DCDC2: variants seen among roughly 807,000 people sequenced by gnomAD.
DCDC2 encodes doublecortin domain containing 2, also known as doublecortin domain-containing protein 2.
A neutral mutation model predicts 50.2 loss-of-function variants in DCDC2; 40 were observed. The ratio of observed to expected loss-of-function variants is 0.80; its 90% CI spans 0.62 to 1.04. The LOEUF (loss-of-function observed/expected upper bound fraction) is 1.04, where lower values mean the gene tolerates loss of function less well. DCDC2 is among the 50% of genes least tolerant of loss of function. The pLI is 0.00. For synonymous variants in DCDC2, 234 were observed against 210.6 expected (o/e 1.11, Z -0.96); for missense variants, 570 against 581.9 (o/e 0.98, Z 0.21).
chr6:24,306,233 G>GT (rs2113841562), intron 2 of DCDC2, among the ~76,000 whole-genome samples: 2 of 152,126 alleles, frequency 1.3e-5, no homozygotes, highest in South Asian at 4.2e-4. Flanking sequence ...CAATCAAATG[G>GT]TAAGTTATCA....
chr6:24,261,917 A>C (rs1017591176), intron 7 of DCDC2, among the ~76,000 whole-genome samples: 1 of 152,168 alleles, frequency 6.6e-6, no homozygotes, highest in Non-Finnish European at 1.5e-5. Context: ...AATGAGGTGG[A>C]GCAAGACGAC....
At chr6:24,314,497 C>CA (rs1165480737) in intron 2 of DCDC2, among the ~76,000 whole-genome samples, 1 of 151,686 alleles carries the variant, frequency 6.6e-6, no homozygotes, top group Non-Finnish European at 1.5e-5. Flanking sequence ...AAAACAAAAA[C>CA]AAAAAAGCAC....
intron 2 of DCDC2, among the ~76,000 whole-genome samples, chr6:24,330,050 A>AGT (rs1352689352): frequency 6.6e-6 from 1 of 152,170 alleles, no homozygotes; most frequent in African/African-American, 2.4e-5. Context: ...TCTTCAGTGA[A>AGT]CCCATTATCA....
chr6:24,299,861 G>C (rs1292372335), intron 4 of DCDC2, among the ~76,000 whole-genome samples: 1 of 151,956 alleles, frequency 6.6e-6, no homozygotes, highest in African/African-American at 2.4e-5. Context: ...GGAGGTTGCA[G>C]TGAGCCAAGA....
At chr6:24,247,623 G>A (rs376880374) in intron 7 of DCDC2, among the ~76,000 whole-genome samples, 10 of 152,064 alleles carry the variant, frequency 6.6e-5, no homozygotes, top group East Asian at 3.8e-4. Flanking sequence ...GATATATGCC[G>A]AGCTCCTTTC....
At chr6:24,276,206 A>T (rs1462585048) in intron 7 of DCDC2, among the ~76,000 whole-genome samples, 1 of 152,138 alleles carries the variant, frequency 6.6e-6, no homozygotes, top group Non-Finnish European at 1.5e-5. Flanking sequence ...TTTCCTATGA[A>T]CAAGGGATAT....
At chr6:24,309,291 C>A (rs807687) in intron 2 of DCDC2, among the ~76,000 whole-genome samples, 115,794 of 150,746 alleles carry the variant, frequency 0.77, 47,113 homozygotes, top group East Asian at 0.99. Flanking sequence ...CGCCATTGCA[C>A]TCCAGCCCGG....
intron 7 of DCDC2, among the ~76,000 whole-genome samples, chr6:24,249,224 T>C (rs1762747511): frequency 6.6e-6 from 1 of 152,158 alleles, no homozygotes; most frequent in Non-Finnish European, 1.5e-5. Context: ...GAGCTGATTG[T>C]TTTTAATACT....
intron 7 of DCDC2, among the ~76,000 whole-genome samples, chr6:24,250,425 C>G (rs1331493431): frequency 6.6e-6 from 1 of 152,124 alleles, no homozygotes; most frequent in Non-Finnish European, 1.5e-5. Context: ...TGTGCTTAAA[C>G]GACAAGGATC....
At chr6:24,347,544 G>C (rs1760289684) in intron 2 of DCDC2, among the ~76,000 whole-genome samples, 2 of 152,100 alleles carry the variant, frequency 1.3e-5, no homozygotes, top group South Asian at 4.2e-4. Context: ...CATTGCACTG[G>C]GTATTACTAG....
intron 2 of DCDC2, among the ~76,000 whole-genome samples, chr6:24,308,857 A>T (rs2113843585): frequency 6.6e-6 from 1 of 152,308 alleles, no homozygotes; most frequent in Non-Finnish European, 1.5e-5. Context: ...TATCCTCCAA[A>T]AAGGAAGTTG....
chr6:24,378,195 T>C, the DCDC2 span, among the ~76,000 whole-genome samples: 1 of 152,216 alleles, frequency 6.6e-6, no homozygotes, highest in East Asian at 1.9e-4. Context: ...GTTTAGTCAG[T>C]GCCTCACTAC....
intron 7 of DCDC2, among the ~76,000 whole-genome samples, chr6:24,208,098 C>A (rs537880198): frequency 1.9e-3 from 286 of 152,280 alleles, no homozygotes; most frequent in African/African-American, 6.6e-3. Context: ...TCATTTTCAT[C>A]AAATGGAGCG....
chr6:24,230,354 C>T (rs992635118), intron 7 of DCDC2, among the ~76,000 whole-genome samples: 2 of 151,954 alleles, frequency 1.3e-5, no homozygotes, highest in Non-Finnish European at 2.9e-5. Flanking sequence ...TAAATAAAGA[C>T]TCGAGAGCCA....
intron 2 of DCDC2, among the ~76,000 whole-genome samples, chr6:24,347,405 C>T (rs533283783): frequency 1.9e-4 from 29 of 152,184 alleles, no homozygotes; most frequent in Admixed American, 7.2e-4. Context: ...ATAGTCAGCC[C>T]TCATATGGAT....
intron 7 of DCDC2, among the ~76,000 whole-genome samples, chr6:24,272,089 C>A (rs1300036735): frequency 6.6e-6 from 1 of 152,008 alleles, no homozygotes; most frequent in Non-Finnish European, 1.5e-5. Context: ...AAAAAGAATC[C>A]TTTTCGAAAA....
chr6:24,223,592 T>TAA (rs1762162435), intron 7 of DCDC2, among the ~76,000 whole-genome samples: 2 of 152,240 alleles, frequency 1.3e-5, no homozygotes, highest in South Asian at 4.1e-4. Flanking sequence ...GCATAAATGA[T>TAA]AGATAATCCC....
At chr6:24,187,900 A>T (rs1330814203) in intron 8 of DCDC2, among the ~76,000 whole-genome samples, 1 of 152,212 alleles carries the variant, frequency 6.6e-6, no homozygotes, top group Non-Finnish European at 1.5e-5. Context: ...TGATGATCCT[A>T]ATTTGCAGAT....
intron 8 of DCDC2, among the ~76,000 whole-genome samples, chr6:24,199,893 C>A (rs2062745975): frequency 6.6e-6 from 1 of 151,974 alleles, no homozygotes; most frequent in Non-Finnish European, 1.5e-5. Context: ...CTGAAATGAT[C>A]AAGTGGAAGA....
Sources: allele counts gnomAD v4.1 joint callset (sites outside exome capture counted in the v4.1 genomes callset), GRCh38; gene constraint gnomAD v4.1.1; transcripts MANE v1.5; gene names NCBI Gene and HGNC (gene_info 2026-07-23, HGNC 2026-07-21).